Variants in DTNBP1 observed in about 807,000 individuals in gnomAD.
DTNBP1 encodes dystrobrevin binding protein 1, also known as dysbindin.
DTNBP1 carries 35 observed loss-of-function variants against 42.8 expected under a neutral mutation model. The observed-to-expected ratio is 0.82, with a 90% CI of 0.63 to 1.09. The LOEUF (loss-of-function observed/expected upper bound fraction) is 1.09, where lower values mean the gene tolerates loss of function less well. Ranked by LOEUF, DTNBP1 falls within the 50% of genes least tolerant of loss-of-function variation. The pLI is 0.00. For missense variants in DTNBP1, 457 were observed against 424.2 expected, an observed-to-expected ratio of 1.08 and a Z score of -0.68; for synonymous variants, 171 against 162.2, an observed-to-expected ratio of 1.05 and a Z score of -0.41.
chr6:15,627,746 A>T (rs1360058236), intron 4 of DTNBP1, among the ~76,000 whole-genome samples: 1 of 151,872 alleles, frequency 6.6e-6, no homozygotes, highest in African/African-American at 2.4e-5. Flanking sequence ...ACTTCTAAGT[A>T]TACCCTGTTT....
At chr6:15,650,335 C>T (rs912381765) in intron 3 of DTNBP1, among the ~76,000 whole-genome samples, 6 of 152,190 alleles carry the variant, frequency 3.9e-5, no homozygotes, top group African/African-American at 1.4e-4. Context: ...TGCACTGGCA[C>T]GATCTCGGCT....
intron 5 of DTNBP1, among the ~76,000 whole-genome samples, chr6:15,617,299 G>T (rs1292487307): frequency 1.3e-5 from 2 of 152,036 alleles, no homozygotes; most frequent in African/African-American, 4.8e-5. Flanking sequence ...GCTGCCAAAA[G>T]TGATCTACAG....
Position 15,608,426 on chromosome 6 carries a change from T to C in DTNBP1, c.488+6841A>G, listed in dbSNP as rs528759021. ...ATAAGACAATGCATTAGCTTCATTT[T>C]TTCCCCCTTGGAAACACTACTTAGA... On this transcript the variant is annotated intron_variant, in intron 6 of 9. Coordinates refer to ENST00000344537, the MANE Select transcript of DTNBP1 (RefSeq NM_032122.5). Among the ~76,000 whole-genome samples the C allele has an allele frequency of 1.9e-3, 294 of 152,354 alleles. 3 individuals carry two copies. The highest frequency in any genetic ancestry group is 3.3e-3 in the Non-Finnish European group (224 of 68,028).
intron 5 of DTNBP1, among the ~76,000 whole-genome samples, chr6:15,622,700 A>G (rs1235373001): frequency 6.6e-6 from 1 of 152,232 alleles, no homozygotes; most frequent in Non-Finnish European, 1.5e-5. Context: ...AGAGATAGGT[A>G]GAATTTTATT....
At chr6:15,561,749 T>G (rs1774854514) in intron 7 of DTNBP1, among the ~76,000 whole-genome samples, 1 of 152,130 alleles carries the variant, frequency 6.6e-6, no homozygotes, top group Admixed American at 6.5e-5. Context: ...GCATTCTTAG[T>G]CATAGGATGA....
At chr6:15,605,864 G>A (rs1173762497) in intron 6 of DTNBP1, among the ~76,000 whole-genome samples, 1 of 152,176 alleles carries the variant, frequency 6.6e-6, no homozygotes, top group African/African-American at 2.4e-5. Context: ...TTTGCCTATA[G>A]CCATATTCTA....
intron 4 of DTNBP1, among the ~76,000 whole-genome samples, chr6:15,635,328 A>G (rs1012879310): frequency 2.0e-5 from 3 of 152,148 alleles, no homozygotes; most frequent in East Asian, 3.9e-4. Context: ...CATGTTGGCC[A>G]GGCTGGTCTC....
intron 1 of DTNBP1, chr6:15,660,273 C>T (rs774361248): frequency 2.6e-5 from 27 of 1,029,326 alleles, no homozygotes; most frequent in Admixed American, 1.6e-4. Flanking sequence ...CTGTGTTTAG[C>T]GTCATCTTTT....
chr6:15,662,234 G>A (rs1023550983), intron 1 of DTNBP1, among the ~76,000 whole-genome samples: 1 of 152,266 alleles, frequency 6.6e-6, no homozygotes, highest in Admixed American at 6.5e-5. Flanking sequence ...CTGAGCTCAC[G>A]GCAAAGGTAG....
intron 6 of DTNBP1, among the ~76,000 whole-genome samples, chr6:15,611,212 G>A (rs1307842422): frequency 6.6e-6 from 1 of 152,130 alleles, no homozygotes; most frequent in Non-Finnish European, 1.5e-5. Context: ...ATAGAATTAT[G>A]CTAAATTTAC....
intron 6 of DTNBP1, among the ~76,000 whole-genome samples, chr6:15,605,602 C>T (rs1313058692): frequency 6.6e-6 from 1 of 152,198 alleles, no homozygotes; most frequent in Non-Finnish European, 1.5e-5. Context: ...CCTCCACACC[C>T]CTAAGAATAT....
intron 1 of DTNBP1, among the ~76,000 whole-genome samples, chr6:15,659,348 A>T (rs1012294738): frequency 6.6e-6 from 1 of 152,158 alleles, no homozygotes; most frequent in African/African-American, 2.4e-5. Flanking sequence ...AGGAGCCCAG[A>T]AATGCCTGAG....
At chr6:15,580,617 A>G (rs1409389715) in intron 7 of DTNBP1, among the ~76,000 whole-genome samples, 1 of 152,258 alleles carries the variant, frequency 6.6e-6, no homozygotes, top group African/African-American at 2.4e-5. Context: ...TTTGGATGAT[A>G]TGTCTATATA....
intron 9 of DTNBP1, chr6:15,523,561 T>TC (rs745365861): frequency 2.8e-4 from 326 of 1,183,772 alleles, no homozygotes; most frequent in Middle Eastern, 3.6e-4. Flanking sequence ...AATCTAGATT[T>TC]CTTTTTTTTT....
intron 3 of DTNBP1, among the ~76,000 whole-genome samples, chr6:15,647,426 G>T (rs1760753311): frequency 6.6e-6 from 1 of 151,760 alleles, no homozygotes; most frequent in African/African-American, 2.4e-5. Flanking sequence ...AAATTCTGGA[G>T]ATTAAAAGTA....
At chr6:15,602,950 CATT>C (rs1776788673) in intron 6 of DTNBP1, among the ~76,000 whole-genome samples, 1 of 152,232 alleles carries the variant, frequency 6.6e-6, no homozygotes, top group African/African-American at 2.4e-5. Context: ...AACAGATACT[CATT>C]GTTCAAAATA....
rs1250195473 is a variant in DTNBP1 at position 15,587,644 on chromosome 6, C to T, written c.511+5415G>A. ...AAAGCAATTCAATGGGGAAAAGAAGCTCTTTTCAAAAAATAGTTCTAAGGC... is the reference window on the plus strand; with the variant it reads ...AAAGCAATTCAATGGGGAAAAGAAGTTCTTTTCAAAAAATAGTTCTAAGGC... On this transcript the variant is annotated intron_variant, in intron 7 of 9. Coordinates refer to ENST00000344537, the MANE Select transcript of DTNBP1 (RefSeq NM_032122.5). The surrounding 1 kb of genome is among the most constrained non-coding windows in gnomAD (Gnocchi z 4.1). Among the ~76,000 whole-genome samples the T allele has an allele frequency of 1.3e-5, 2 of 152,148 alleles. No individual in the cohort carries two copies. Among genetic ancestry groups the T allele is most frequent in the African/African-American group, 2.4e-5 (1 of 41,448 alleles).
chr6:15,582,330 A>T (rs1242614021), intron 7 of DTNBP1, among the ~76,000 whole-genome samples: 1 of 152,148 alleles, frequency 6.6e-6, no homozygotes, highest in Non-Finnish European at 1.5e-5. Flanking sequence ...AATGCTTACT[A>T]GCTGGGTGAC....
At chr6:15,591,344 C>T (rs1168284695) in intron 7 of DTNBP1, among the ~76,000 whole-genome samples, 3 of 152,084 alleles carry the variant, frequency 2.0e-5, no homozygotes, top group Non-Finnish European at 4.4e-5. Context: ...AGGTGATCCC[C>T]CTCGGCCTCC....
Sources: gnomAD v4.1 joint callset for allele counts (sites outside exome capture counted in the v4.1 genomes callset) on GRCh38, gnomAD v4.1.1 for gene constraint, Gnocchi (gnomAD v3.1) non-coding constraint, MANE v1.5 for transcripts, NCBI Gene and HGNC (gene_info 2026-07-23, HGNC 2026-07-21) for gene names.